The following PGAP6 variants were observed in gnomAD, a reference collection of about 807,000 sequenced individuals.
The protein encoded by PGAP6 is post-GPI attachment to proteins factor 6.
A neutral mutation model predicts 68.4 loss-of-function variants in PGAP6; 62 were observed. That is an observed-to-expected ratio of 0.91 (90% confidence interval 0.74 to 1.12). The LOEUF (loss-of-function observed/expected upper bound fraction) is 1.12. PGAP6 is among the 50% of genes most tolerant of loss of function. PGAP6 has a pLI of 0.00. For missense variants in PGAP6, 1,188 were observed against 1,068.5 expected (o/e 1.11, Z -1.56); for synonymous variants, 575 against 474.0 (o/e 1.21, Z -2.77).
chr16:373,180 C>T (rs936413036), intron 11 of PGAP6, among the ~76,000 whole-genome samples: 2 of 152,226 alleles, frequency 1.3e-5, no homozygotes, highest in Non-Finnish European at 2.9e-5. Flanking sequence ...GTTCAGGCCC[C>T]GCACTCAGCC....
In PGAP6 at chr16:372,115, C is replaced by A; in HGVS notation, c.2188G>T (p.Ala730Ser). 1 of 1,612,858 alleles carries A rather than the reference C, an allele frequency of 6.2e-7. No homozygotes were observed. Among genetic ancestry groups the A allele is most frequent in the Non-Finnish European group, 8.5e-7 (1 of 1,179,970 alleles). ...GGCAGCAGCAAGGCTGCGCTCCCGGCCAGCAGGATGTGCCAGATGCTGTGG... is the reference window on the plus strand; with the variant it reads ...GGCAGCAGCAAGGCTGCGCTCCCGGACAGCAGGATGTGCCAGATGCTGTGG... Reference protein sequence around the residue: ...YTHSIWHILLAGSAALLLPPP... With the variant: ...YTHSIWHILLSGSAALLLPPP... The change falls in exon 13 of 13, where the codon GCC becomes TCC. Residue 730 changes from alanine to serine, a missense_variant. Physicochemically the swap from Ala to Ser is moderately conservative, Grantham distance 99 (BLOSUM62 1). Coordinates refer to ENST00000431232, the MANE Select transcript of PGAP6 (RefSeq NM_021259.3).
chr16:371,084 G>A lies in PGAP6; in HGVS notation c.*903C>T, dbSNP rs1445949625. On this transcript the variant is annotated 3_prime_UTR_variant, in exon 13 of 13. Transcript: ENST00000431232. ...CCACTCACTTCTCCAGGGCGGATCC[G>A]AGACACTCACAGGCCTCAGGGAGGG... 2 of 152,328 alleles carry A rather than the reference G, an allele frequency of 1.3e-5. No homozygotes were observed. Among genetic ancestry groups the A allele is most frequent in the Admixed American group, 6.5e-5 (1 of 15,272 alleles). 9.4% of individuals were successfully genotyped at this position (152,328 alleles called of 1,614,324 possible). A position where few individuals can be genotyped will look rare whatever the true frequency, so the allele number is the denominator to read the frequency against.
At chr16:378,950 G>A (rs143423028) in intron 1 of PGAP6, among the ~76,000 whole-genome samples, 142 of 152,320 alleles carry the variant, frequency 9.3e-4, no homozygotes, top group Middle Eastern at 3.4e-3. Context: ...CCCAGGCGAG[G>A]ACTCAGGCTC....
In PGAP6 at chr16:375,947, C is replaced by T. The variant is rs373696496; in HGVS notation, c.1224+189G>A. ...TCTGACCCGAGCTACCCCACAGCCCCGGGGCCTGTTGACAGGAACAAGGCT... is the reference window on the plus strand; with the variant it reads ...TCTGACCCGAGCTACCCCACAGCCCTGGGGCCTGTTGACAGGAACAAGGCT... On this transcript the variant is annotated intron_variant, in intron 6 of 12. Coordinates refer to ENST00000431232, the MANE Select transcript of PGAP6 (RefSeq NM_021259.3). Among the ~76,000 whole-genome samples, 272 of 152,354 alleles carry T rather than the reference C, an allele frequency of 1.8e-3. 13 individuals are homozygous for T. In the South Asian group the frequency reaches 0.052, roughly 29 times the overall value.
upstream of PGAP6, among the ~76,000 whole-genome samples, chr16:383,128 CACAAAA>C (rs151273890): frequency 0.081 from 12,260 of 151,268 alleles, 533 homozygotes; most frequent in Non-Finnish European, 0.11. Context: ...AAAACAAAAA[CACAAAA>C]ACAAAAACAA....
At chr16:373,826 A>AG (rs2054354816) in intron 11 of PGAP6, among the ~76,000 whole-genome samples, 179 bp downstream of exon 11, 1 of 101,606 alleles carries the variant, frequency 9.8e-6, no homozygotes, top group South Asian at 3.8e-4. Flanking sequence ...TACAGGTGTG[A>AG]GCCACCATGC....
intron 1 of PGAP6, among the ~76,000 whole-genome samples, chr16:380,777 G>A (rs1311246723): frequency 6.6e-6 from 1 of 151,944 alleles, no homozygotes; most frequent in Non-Finnish European, 1.5e-5. Flanking sequence ...GGAGCTCAAA[G>A]GAGCATTATT....
chr16:376,425 G>A lies in PGAP6; in HGVS notation c.935C>T (p.Pro312Leu). 6.3e-7 allele frequency: 1 copy of A among 1,587,444 alleles called. No individual in the cohort carries two copies. The highest frequency in any genetic ancestry group is 8.6e-7 in the Non-Finnish European group (1 of 1,165,012). ...CTGGTTTTGGCTGCTCTGCAGAAGG[G>A]GCTGGATGGTCACGCTCCGTGGCCT... ...ACRPRSVTIQPLLQSSQNQSF... is the reference protein window; with the variant it reads ...ACRPRSVTIQLLLQSSQNQSF... The change falls in exon 6 of 13, where the codon CCC becomes CTC. Residue 312 changes from proline (P) to leucine (L), a missense_variant. Transcript: ENST00000431232.
rs201833520 is a variant in PGAP6, at chr16:377,769, G to C, written c.201C>G (p.Leu67=). ...SFYSWYGSAR[L]FRFRVPPDAV... is the part of the protein sequence containing the mutation. The stretch of plus-strand genomic sequence containing the variant: ...CATCTGGGGGCACGCGGAAGCGGAA[G>C]AGCCTGGCACTGCCGTACCAGCTGT... The change falls in exon 2 of 13, where the codon CTC becomes CTG. Residue 67 remains leucine (L), a synonymous_variant. Transcript: ENST00000431232. 4 of 1,590,032 alleles carry C rather than the reference G, an allele frequency of 2.5e-6. No homozygotes were observed. The East Asian group carries it at 9.2e-5, about 36-fold the overall frequency.
At position 377,577 on chromosome 16, in the gene PGAP6, C is replaced by T. The variant is rs549782213; in HGVS notation, c.308G>A (p.Arg103His). The T allele has an allele frequency of 1.5e-5, 23 of 1,576,924 alleles. No homozygotes were observed. Among genetic ancestry groups the T allele is most frequent in the Middle Eastern group, 1.7e-4 (1 of 6,020 alleles). The change falls in exon 3 of 13, where the codon CGT becomes CAT. Residue 103 changes from arginine to histidine, a missense_variant. Physicochemically the swap from Arg to His is conservative, Grantham distance 29. Coordinates refer to ENST00000431232, the MANE Select transcript of PGAP6 (RefSeq NM_021259.3). Reference sequence around the variant, plus strand: ...GTTGATGACCGGAGGGGCGCCGGAACGGAAGTGCCTGGAGACGGGAGAGCA... The same window carrying T: ...GTTGATGACCGGAGGGGCGCCGGAATGGAAGTGCCTGGAGACGGGAGAGCA... ...CTDAEITVHF[R>H]SGAPPVINPL... is the part of the protein sequence containing the mutation.
intron 11 of PGAP6, among the ~76,000 whole-genome samples, 162 bp downstream of exon 11, chr16:373,843 T>G (rs11643307): frequency 0.55 from 83,275 of 150,212 alleles, 23,199 homozygotes; most frequent in South Asian, 0.67. Flanking sequence ...ATGCTCGGCC[T>G]AGGGATTACA....
At position 373,972 on chromosome 16, in the gene PGAP6, C is replaced by T. The variant is rs368559399; in HGVS notation, c.1902+33G>A. ...GCTGCACTTGGGGGCCCTGCTCCCCCGGAGCCCACACCCCACGTCGAGGGC... is the reference window on the plus strand; with the variant it reads ...GCTGCACTTGGGGGCCCTGCTCCCCTGGAGCCCACACCCCACGTCGAGGGC... On this transcript the variant is annotated intron_variant, in intron 11 of 12. Coordinates refer to ENST00000431232, the MANE Select transcript of PGAP6 (RefSeq NM_021259.3). 78 of 1,572,802 alleles carry T rather than the reference C, an allele frequency of 5.0e-5. 1 individual carries two copies. In the African/African-American group the frequency reaches 5.4e-4, roughly 11 times the overall value.
At chr16:386,830 A>C (rs763225327), upstream of PGAP6, 9 of 685,046 alleles carry the variant, frequency 1.3e-5, no homozygotes, top group South Asian at 1.2e-4. Flanking sequence ...AAGGCTTTAA[A>C]GGCCAAGAAG....
chr16:371,000 C>T lies in PGAP6; in HGVS notation c.*987G>A, dbSNP rs1248208158. The T allele has an allele frequency of 6.6e-6, 1 of 152,236 alleles. No homozygotes were observed. The allele number at this position is 152,236 out of a possible 1,614,324, so 9.4% of individuals were successfully genotyped here. A position where few individuals can be genotyped will look rare whatever the true frequency, so the allele number is the denominator to read the frequency against. On this transcript the variant is annotated 3_prime_UTR_variant, in exon 13 of 13. Coordinates refer to ENST00000431232, the MANE Select transcript of PGAP6 (RefSeq NM_021259.3). ...ACCTTCAGGAAGGCCATATCCCGGA[C>T]AAGACCCAGAAGGGAAGCCCCCAGA...
At chr16:380,257 C>T (rs1033113312) in intron 1 of PGAP6, among the ~76,000 whole-genome samples, 1 of 152,204 alleles carries the variant, frequency 6.6e-6, no homozygotes. Context: ...ACTCTGTCAC[C>T]CAGGCTAGAG....
At chr16:381,584 A>C in intron 1 of PGAP6, 117 bp downstream of exon 1, 1 of 796,288 alleles carries the variant, frequency 1.3e-6, no homozygotes, top group Non-Finnish European at 1.6e-6. Context: ...CGCGGCGGGG[A>C]CCCCCAACCC....
At chr16:383,904 C>T (rs1400933588), upstream of PGAP6, among the ~76,000 whole-genome samples, 1 of 152,160 alleles carries the variant, frequency 6.6e-6, no homozygotes, top group Non-Finnish European at 1.5e-5. Context: ...AAGGCCAGAG[C>T]AGCGGAGGTG....
upstream of PGAP6, chr16:382,248 A>G (rs2054450686): frequency 2.5e-6 from 1 of 393,192 alleles, no homozygotes; most frequent in Middle Eastern, 6.4e-4. Context: ...ATTCTCCCCG[A>G]GGCGTGGGCT....
At chr16:386,016 A>T (rs1026047305), upstream of PGAP6, among the ~76,000 whole-genome samples, 4 of 152,144 alleles carry the variant, frequency 2.6e-5, no homozygotes, top group Non-Finnish European at 2.9e-5. Context: ...GCTGGATAAC[A>T]GGGACGCATC....
Sources: gnomAD v4.1 joint callset for allele counts (sites outside exome capture counted in the v4.1 genomes callset) on GRCh38, gnomAD v4.1.1 for gene constraint, MANE v1.5 for transcripts, NCBI Gene and HGNC (gene_info 2026-07-23, HGNC 2026-07-21) for gene names.